The following MIR2052HG variants were observed in gnomAD, a reference collection of about 807,000 sequenced individuals.
MIR2052HG encodes MIR2052 host gene.
chr8:74,669,914 G>A (rs756306491), intron 2 of MIR2052HG, among the ~76,000 whole-genome samples: 5 of 152,128 alleles, frequency 3.3e-5, no homozygotes, highest in Non-Finnish European at 5.9e-5. Context: ...TTGAAACTCT[G>A]ACTCCAGTGT....
intron 2 of MIR2052HG, among the ~76,000 whole-genome samples, chr8:74,656,306 G>T (rs542497283): frequency 5.1e-4 from 78 of 152,094 alleles, no homozygotes; most frequent in African/African-American, 1.9e-3. Flanking sequence ...ATTTGGAGGG[G>T]CCAGGGGTGT....
intron 1 of MIR2052HG, among the ~76,000 whole-genome samples, chr8:74,608,876 A>C (rs999170386): frequency 2.6e-5 from 4 of 152,198 alleles, no homozygotes; most frequent in East Asian, 3.9e-4. Context: ...ATCTCAGCTT[A>C]AGTTTTAAGA....
chr8:74,744,589 C>T (rs561936515), intron 4 of MIR2052HG, among the ~76,000 whole-genome samples: 75 of 150,802 alleles, frequency 5.0e-4, no homozygotes, highest in Admixed American at 3.5e-3. Flanking sequence ...GGTTTTTTGT[C>T]CTTGCGATAG....
chr8:74,604,279 G>T, intron 1 of MIR2052HG: 1 of 794,104 alleles, frequency 1.3e-6, no homozygotes, highest in Non-Finnish European at 2.2e-6. Context: ...GACTTTGAGT[G>T]GTCAAGTCTT....
chr8:74,755,092 C>T (rs942056963), intron 5 of MIR2052HG, among the ~76,000 whole-genome samples: 3 of 152,128 alleles, frequency 2.0e-5, no homozygotes, highest in African/African-American at 7.2e-5. Flanking sequence ...AACTCCCACC[C>T]GAAACTTTAC....
At chr8:74,672,403 A>G (rs1364253204) in intron 2 of MIR2052HG, among the ~76,000 whole-genome samples, 2 of 152,088 alleles carry the variant, frequency 1.3e-5, no homozygotes, top group Non-Finnish European at 2.9e-5. Context: ...GGGTAAAAGG[A>G]TATCATAGTA....
At chr8:74,648,555 T>G (rs1464194288) in intron 2 of MIR2052HG, among the ~76,000 whole-genome samples, 1 of 152,156 alleles carries the variant, frequency 6.6e-6, no homozygotes, top group South Asian at 2.1e-4. Flanking sequence ...AAAAACTTGC[T>G]GGTTTTGCAG....
chr8:74,671,995 C>A (rs374191038), intron 2 of MIR2052HG, among the ~76,000 whole-genome samples: 1 of 152,128 alleles, frequency 6.6e-6, no homozygotes, highest in East Asian at 1.9e-4. Context: ...AGCAGGATAC[C>A]TTTTTATAGA....
intron 2 of MIR2052HG, among the ~76,000 whole-genome samples, chr8:74,696,065 T>C (rs865787063): frequency 6.6e-6 from 1 of 152,114 alleles, no homozygotes; most frequent in African/African-American, 2.4e-5. Context: ...ATAAACCATA[T>C]AATAGGCCAC....
At chr8:74,715,141 A>C (rs1809508018) in intron 4 of MIR2052HG, among the ~76,000 whole-genome samples, 1 of 152,260 alleles carries the variant, frequency 6.6e-6, no homozygotes, top group African/African-American at 2.4e-5. Flanking sequence ...GTAAGGAAAG[A>C]ATATGACCTT....
At chr8:74,742,564 T>TA (rs988441392) in intron 4 of MIR2052HG, among the ~76,000 whole-genome samples, 1 of 151,802 alleles carries the variant, frequency 6.6e-6, no homozygotes, top group Non-Finnish European at 1.5e-5. Context: ...CCAACCACAT[T>TA]AAAAAAAAGA....
At chr8:74,746,324 T>A (rs1424614119) in intron 4 of MIR2052HG, among the ~76,000 whole-genome samples, 8 of 152,196 alleles carry the variant, frequency 5.3e-5, no homozygotes, top group Admixed American at 2.6e-4. Context: ...TCAATTAAAT[T>A]CATTTCAGTT....
At chr8:74,656,467 T>C (rs951860975) in intron 2 of MIR2052HG, among the ~76,000 whole-genome samples, 13 of 152,192 alleles carry the variant, frequency 8.5e-5, no homozygotes, top group African/African-American at 3.1e-4. Context: ...TGAATAAGTC[T>C]CACGAGATCT....
intron 1 of MIR2052HG, chr8:74,603,859 G>C: frequency 1.1e-6 from 1 of 926,984 alleles, no homozygotes; most frequent in Non-Finnish European, 1.8e-6. Context: ...CTAGACCTGA[G>C]CCCCTGTACT....
intron 2 of MIR2052HG, among the ~76,000 whole-genome samples, chr8:74,667,530 C>T (rs142748836): frequency 4.0e-4 from 61 of 151,666 alleles, no homozygotes; most frequent in African/African-American, 1.5e-3. Context: ...TTTATTTTAC[C>T]TATGCCTATT....
At chr8:74,663,486 A>C (rs1808888885) in intron 2 of MIR2052HG, among the ~76,000 whole-genome samples, 1 of 152,232 alleles carries the variant, frequency 6.6e-6, no homozygotes, top group Non-Finnish European at 1.5e-5. Context: ...GCCAGGTTGC[A>C]AGTATGGATC....
chr8:74,617,043 T>C (rs1329245026), intron 2 of MIR2052HG, among the ~76,000 whole-genome samples: 1 of 152,226 alleles, frequency 6.6e-6, no homozygotes, highest in East Asian at 1.9e-4. Flanking sequence ...CTCTACTCTC[T>C]TATTAAATAC....
chr8:74,701,132 A>G (rs944677401), intron 2 of MIR2052HG, among the ~76,000 whole-genome samples: 2 of 152,148 alleles, frequency 1.3e-5, no homozygotes, highest in African/African-American at 2.4e-5. Flanking sequence ...CCATTGCCTG[A>G]AAGGAGTGAA....
chr8:74,641,837 A>T (rs1808641772), intron 2 of MIR2052HG, among the ~76,000 whole-genome samples: 1 of 152,190 alleles, frequency 6.6e-6, no homozygotes, highest in African/African-American at 2.4e-5. Flanking sequence ...ATGTACATTA[A>T]TAATATTTAG....
Sources: allele counts gnomAD v4.1 joint callset (sites outside exome capture counted in the v4.1 genomes callset), GRCh38; gene constraint gnomAD v4.1.1; transcripts MANE v1.5; gene names NCBI Gene and HGNC (gene_info 2026-07-23, HGNC 2026-07-21).